BMPR1B: variants seen among roughly 807,000 people sequenced by gnomAD.
BMPR1B encodes bone morphogenetic protein receptor type-1B.
A neutral mutation model predicts 59.1 loss-of-function variants in BMPR1B; 12 were observed. That is an observed-to-expected ratio of 0.20 (90% confidence interval 0.13 to 0.33). The LOEUF is 0.33. Ranked by LOEUF, BMPR1B falls within the 10% of genes least tolerant of loss-of-function variation. BMPR1B has a pLI of 1.00. For missense variants in BMPR1B, 550 were observed against 610.9 expected (o/e 0.90, Z 1.05); for synonymous variants, 237 against 207.3 (o/e 1.14, Z -1.23).
At chr4:94,798,366 A>G (rs1723274445) in intron 1 of BMPR1B, among the ~76,000 whole-genome samples, 1 of 152,228 alleles carries the variant, frequency 6.6e-6, no homozygotes, top group Non-Finnish European at 1.5e-5. Flanking sequence ...TCCCAGTATT[A>G]AATGTGTCCC....
intron 2 of BMPR1B, among the ~76,000 whole-genome samples, chr4:94,993,335 A>T (rs1190960171): frequency 6.6e-6 from 1 of 152,152 alleles, no homozygotes; most frequent in Admixed American, 6.5e-5. Context: ...TTTATTCATA[A>T]CACTCTTTCT....
chr4:95,016,515 A>G (rs560415054), intron 3 of BMPR1B, among the ~76,000 whole-genome samples: 1 of 152,354 alleles, frequency 6.6e-6, no homozygotes, highest in African/African-American at 2.4e-5. Flanking sequence ...TGGGAGTAGT[A>G]TTAAGGAAGA....
chr4:95,154,802 C>T lies in BMPR1B; in HGVS notation c.*129C>T. 3 of 1,360,562 alleles carry T rather than the reference C, an allele frequency of 2.2e-6. No homozygotes were observed. In the South Asian group the frequency reaches 3.7e-5, roughly 17 times the overall value. The allele number at this position is 1,360,562 out of a possible 1,614,324, so 84.3% of individuals were successfully genotyped here. A position where few individuals can be genotyped will look rare whatever the true frequency, so the allele number is the denominator to read the frequency against. ...ACATCGTCCTGCTTCCCAGTGGGTT[C>T]AGACCTCACCTCTCAGGGAGCGACC... On this transcript the variant is annotated 3_prime_UTR_variant, in exon 13 of 13. Coordinates refer to ENST00000515059, the MANE Select transcript of BMPR1B (RefSeq NM_001203.3).
At chr4:94,961,646 T>A (rs949209312) in intron 2 of BMPR1B, among the ~76,000 whole-genome samples, 9 of 152,200 alleles carry the variant, frequency 5.9e-5, no homozygotes, top group African/African-American at 2.2e-4. Flanking sequence ...GTCACTCCTG[T>A]AATCAAAAAC....
chr4:95,001,345 CCTGG>C (rs1722429459), intron 3 of BMPR1B, among the ~76,000 whole-genome samples: 3 of 11,064 alleles, frequency 2.7e-4, no homozygotes, highest in Non-Finnish European at 8.6e-4. Flanking sequence ...TTTCTTAATT[CCTGG>C]AAGAATTAAG....
intron 10 of BMPR1B, among the ~76,000 whole-genome samples, chr4:95,134,646 T>G (rs1733633806): frequency 1.3e-5 from 2 of 152,228 alleles, no homozygotes; most frequent in African/African-American, 2.4e-5. Flanking sequence ...TCATGTGTCT[T>G]TTGGCTGCAT....
At chr4:95,004,619 C>G (rs938006447) in intron 3 of BMPR1B, among the ~76,000 whole-genome samples, 1 of 152,100 alleles carries the variant, frequency 6.6e-6, no homozygotes. Flanking sequence ...TTTGCTTTTT[C>G]TCCATGTAAA....
At chr4:94,807,907 C>G (rs1055137927) in intron 1 of BMPR1B, among the ~76,000 whole-genome samples, 9 of 152,262 alleles carry the variant, frequency 5.9e-5, no homozygotes, top group African/African-American at 2.2e-4. Context: ...CTGGTGGTCT[C>G]AGACTCCTAG....
At chr4:94,867,778 A>G (rs1279044559) in intron 1 of BMPR1B, among the ~76,000 whole-genome samples, 8 of 152,200 alleles carry the variant, frequency 5.3e-5, no homozygotes, top group Admixed American at 5.2e-4. Context: ...TGATTGACAC[A>G]TTGCCCAGTA....
chr4:95,094,056 A>G (rs954500194), intron 3 of BMPR1B, among the ~76,000 whole-genome samples: 2 of 151,962 alleles, frequency 1.3e-5, no homozygotes, highest in African/African-American at 2.4e-5. Flanking sequence ...TTGTTTTCCT[A>G]TATGTATTTC....
Position 95,037,138 on chromosome 4 carries a change from G to C in BMPR1B, c.-18+41004G>C, listed in dbSNP as rs1725313065. On this transcript the variant is annotated intron_variant, in intron 3 of 12. Coordinates refer to ENST00000515059, the MANE Select transcript of BMPR1B (RefSeq NM_001203.3). ...ACAGAAGCTATGAAAGTGAGTATCT[G>C]ACTTTTTCAGCTTCCGTGTTAGTGG... 2.6e-5 allele frequency among the ~76,000 whole-genome samples: 4 copies of C among 152,164 alleles called. No individual in the cohort carries two copies. The South Asian group carries it at 8.3e-4, about 31-fold the overall frequency.
rs1005809719 is a variant in BMPR1B, at chr4:95,132,346, C to G, written c.1076+834C>G. Among the ~76,000 whole-genome samples, 3 of 151,644 alleles carry G rather than the reference C, an allele frequency of 2.0e-5. No homozygotes were observed. In the East Asian group the frequency reaches 5.8e-4, roughly 29 times the overall value. ...ACTCTGTAATACATGGAGAGGAGCACAAAGAAAAAGTCATGGAGATTATTA... is the reference window on the plus strand; with the variant it reads ...ACTCTGTAATACATGGAGAGGAGCAGAAAGAAAAAGTCATGGAGATTATTA... On this transcript the variant is annotated intron_variant, in intron 10 of 12. Coordinates refer to ENST00000515059, the MANE Select transcript of BMPR1B (RefSeq NM_001203.3).
chr4:94,943,680 G>A (rs555935372), intron 2 of BMPR1B, among the ~76,000 whole-genome samples: 3 of 152,298 alleles, frequency 2.0e-5, no homozygotes, highest in Non-Finnish European at 4.4e-5. Context: ...GAACTTTATA[G>A]CATTGTTTCT....
intron 1 of BMPR1B, among the ~76,000 whole-genome samples, chr4:94,772,533 C>G (rs552673400): frequency 6.6e-6 from 1 of 152,190 alleles, no homozygotes; most frequent in African/African-American, 2.4e-5. Context: ...ATTACAGGTA[C>G]TATCTGTGTG....
At chr4:94,771,361 A>C (rs1722180151) in intron 1 of BMPR1B, among the ~76,000 whole-genome samples, 1 of 152,190 alleles carries the variant, frequency 6.6e-6, no homozygotes, top group South Asian at 2.1e-4. Flanking sequence ...GCCAGATATT[A>C]TACTGGTTAT....
chr4:94,996,611 G>A (rs531484002), intron 3 of BMPR1B, among the ~76,000 whole-genome samples: 13 of 152,264 alleles, frequency 8.5e-5, no homozygotes, highest in East Asian at 3.9e-4. Flanking sequence ...TTTTATAAAA[G>A]AAGCCAACCT....
chr4:94,816,147 TTTTA>T (rs1724000584), intron 1 of BMPR1B, among the ~76,000 whole-genome samples: 1 of 152,104 alleles, frequency 6.6e-6, no homozygotes, highest in Admixed American at 6.5e-5. Flanking sequence ...ATGCTAGAGT[TTTTA>T]TTTATTTATT....
At chr4:94,800,016 T>C (rs1204889574) in intron 1 of BMPR1B, among the ~76,000 whole-genome samples, 2 of 152,212 alleles carry the variant, frequency 1.3e-5, no homozygotes, top group African/African-American at 4.8e-5. Context: ...TTTAAAATTA[T>C]GATTCAATCA....
intron 3 of BMPR1B, among the ~76,000 whole-genome samples, chr4:95,090,038 C>T (rs1729866861): frequency 6.6e-6 from 1 of 152,064 alleles, no homozygotes; most frequent in African/African-American, 2.4e-5. Flanking sequence ...AATTGAAATG[C>T]AGTATTCTAA....
Sources: gnomAD v4.1 joint callset for allele counts (sites outside exome capture counted in the v4.1 genomes callset) on GRCh38, gnomAD v4.1.1 for gene constraint, MANE v1.5 for transcripts, NCBI Gene and HGNC (gene_info 2026-07-23, HGNC 2026-07-21) for gene names.